UPP2: variants seen among roughly 807,000 people sequenced by gnomAD.
UPP2 encodes the protein uridine phosphorylase 2.
A neutral mutation model predicts 26.7 loss-of-function variants in UPP2; 23 were observed. The ratio of observed to expected loss-of-function variants is 0.86; its 90% CI spans 0.62 to 1.22. UPP2 has a LOEUF of 1.22. Ranked by LOEUF, UPP2 falls within the 50% of genes most tolerant of loss-of-function variation. The probability of loss-of-function intolerance (pLI) is 0.00; values close to 1 mark genes in which losing one functional copy is unlikely to be tolerated. For missense variants in UPP2, 387 were observed against 396.7 expected, an observed-to-expected ratio of 0.98 and a Z score of 0.21; for synonymous variants, 127 against 141.3, an observed-to-expected ratio of 0.90 and a Z score of 0.72.
At position 158,115,164 on chromosome 2, in the gene UPP2, C is replaced by G. The variant is rs370910787; in HGVS notation, c.244C>G (p.Leu82Val). The change falls in exon 3 of 7, where the codon CTC becomes GTC. Residue 82 changes from leucine to valine, a missense_variant. Physicochemically the swap from Leu to Val is conservative, Grantham distance 32. Coordinates refer to ENST00000005756, the MANE Select transcript of UPP2 (RefSeq NM_173355.4). The stretch of plus-strand genomic sequence containing the variant: ...ATTTGCACTGTTTATGCACAAGGAG[C>G]TCGGGTTTGAGGAAGCTGAAGAAGA... ...KAFALFMHKE[L>V]GFEEAEEDIK... 6.2e-7 allele frequency: 1 copy of G among 1,613,472 alleles called. No individual in the cohort carries two copies. Among genetic ancestry groups the G allele is most frequent in the Non-Finnish European group, 8.5e-7 (1 of 1,179,814 alleles).
chr2:158,121,654 A>G, intron 5 of UPP2, 36 bp downstream of exon 5: 1 of 1,557,530 alleles, frequency 6.4e-7, no homozygotes, highest in Non-Finnish European at 8.8e-7. Context: ...GGAAACAGAA[A>G]AATGCCAGCA....
intron 3 of UPP2, among the ~76,000 whole-genome samples, chr2:158,094,593 T>C (rs1296673433): frequency 6.6e-6 from 1 of 152,220 alleles, no homozygotes; most frequent in African/African-American, 2.4e-5. Flanking sequence ...TAACTCAATA[T>C]ATTGCACTTA....
At chr2:158,097,897 C>A (rs1291637404), upstream of UPP2, among the ~76,000 whole-genome samples, 1 of 151,838 alleles carries the variant, frequency 6.6e-6, no homozygotes, top group Non-Finnish European at 1.5e-5. Context: ...CTCTTTTTTT[C>A]TTTTCTGTAT....
intron 3 of UPP2, among the ~76,000 whole-genome samples, chr2:158,056,750 T>C (rs753617727): frequency 6.6e-6 from 1 of 152,220 alleles, no homozygotes; most frequent in Non-Finnish European, 1.5e-5. Context: ...ACCTACCCTA[T>C]CTAGACTGCA....
chr2:158,129,151 C>T (rs751418138), intron 6 of UPP2, among the ~76,000 whole-genome samples: 3 of 151,954 alleles, frequency 2.0e-5, no homozygotes, highest in Non-Finnish European at 4.4e-5. Context: ...GATCATTTAG[C>T]GCCATTGATT....
chr2:158,011,707 G>A (rs921312356), intron 2 of UPP2, among the ~76,000 whole-genome samples: 1 of 152,142 alleles, frequency 6.6e-6, no homozygotes, highest in Non-Finnish European at 1.5e-5. Context: ...GTTTAAAGAA[G>A]GAAGAGATGA....
At chr2:158,125,365 T>C (rs941779576) in intron 6 of UPP2, among the ~76,000 whole-genome samples, 15 of 152,060 alleles carry the variant, frequency 9.9e-5, no homozygotes, top group African/African-American at 3.1e-4. Context: ...AGAATATATG[T>C]ACGTGTAAAT....
At chr2:158,002,743 G>T (rs1673129330) in intron 2 of UPP2, among the ~76,000 whole-genome samples, 1 of 152,190 alleles carries the variant, frequency 6.6e-6, no homozygotes, top group Non-Finnish European at 1.5e-5. Context: ...TGTTGCTATT[G>T]TAAGGATGGA....
chr2:157,996,045 C>T (rs975587335), intron 2 of UPP2, among the ~76,000 whole-genome samples: 1 of 152,236 alleles, frequency 6.6e-6, no homozygotes, highest in East Asian at 1.9e-4. Context: ...TTTGCATAAA[C>T]CTGTTTTTAA....
chr2:158,129,523 A>C (rs1260491682), intron 6 of UPP2, among the ~76,000 whole-genome samples: 2 of 152,034 alleles, frequency 1.3e-5, no homozygotes, highest in Admixed American at 1.3e-4. Flanking sequence ...GAGGAAACAG[A>C]CTAAAACAGA....
chr2:158,086,081 G>T (rs1449157732), intron 3 of UPP2, among the ~76,000 whole-genome samples: 1 of 151,956 alleles, frequency 6.6e-6, no homozygotes, highest in Non-Finnish European at 1.5e-5. Context: ...GGATTGGCAC[G>T]AATTCTTCTT....
chr2:158,109,345 T>A (rs546790598), intron 2 of UPP2, among the ~76,000 whole-genome samples: 1 of 152,348 alleles, frequency 6.6e-6, no homozygotes, highest in South Asian at 2.1e-4. Context: ...TACTTGCTAC[T>A]GCAAAATCTC....
chr2:158,124,361 G>C (rs935936977), intron 6 of UPP2, among the ~76,000 whole-genome samples: 1 of 152,060 alleles, frequency 6.6e-6, no homozygotes, highest in Non-Finnish European at 1.5e-5. Context: ...GAGCATTCAA[G>C]GAGAATTGGA....
Position 158,096,699 on chromosome 2 carries a change from T to C in UPP2, c.148-5341T>C, listed in dbSNP as rs151294513. On this transcript the variant is annotated intron_variant, in intron 3 of 9. Coordinates refer to the UPP2 transcript ENST00000605860. ...CATATAACAGATCACTATATGGTAA[T>C]CTGATGAATTAGACCTATGCCTAAC... Among the ~76,000 whole-genome samples the C allele has an allele frequency of 2.2e-4, 34 of 152,306 alleles. No individual in the cohort carries two copies. The East Asian group carries it at 6.6e-3, about 29-fold the overall frequency.
chr2:158,115,047 C>T (rs1413474565), intron 2 of UPP2, 54 bp from the exon 3 acceptor site: 4 of 1,498,304 alleles, frequency 2.7e-6, no homozygotes, highest in Non-Finnish European at 3.6e-6. Flanking sequence ...TGAAACTGAC[C>T]CGTGGTTCTT....
Position 158,123,773 on chromosome 2 carries a change from T to C in UPP2, c.689T>C (p.Leu230Pro). ...YEGQGRLDGA[L>P]CSFSREKKLD... ...GGCCAAGGCCGACTAGATGGAGCAC[T>C]GTGCTCCTTTTCCAGAGAAAAAAAG... The change falls in exon 6 of 7, where the codon CTG becomes CCG. Residue 230 changes from leucine (L) to proline (P), a missense_variant. Coordinates refer to ENST00000005756, the MANE Select transcript of UPP2 (RefSeq NM_173355.4). The C allele has an allele frequency of 6.8e-6, 11 of 1,614,092 alleles. No individual in the cohort carries two copies. The highest frequency in any genetic ancestry group is 9.3e-6 in the Non-Finnish European group (11 of 1,179,926).
chr2:158,036,569 A>G (rs914551481), intron 3 of UPP2, among the ~76,000 whole-genome samples: 6 of 152,214 alleles, frequency 3.9e-5, no homozygotes, highest in Admixed American at 2.6e-4. Flanking sequence ...ACAGACTCTG[A>G]GCAGAAATTT....
At chr2:158,031,269 G>T (rs1223970854) in intron 3 of UPP2, among the ~76,000 whole-genome samples, 1 of 152,136 alleles carries the variant, frequency 6.6e-6, no homozygotes, top group African/African-American at 2.4e-5. Context: ...GGCCAGGAAG[G>T]AGAATTCACT....
At position 158,012,792 on chromosome 2, in the gene UPP2, T is replaced by C. The variant is rs554384023; in HGVS notation, c.62-3009T>C. On this transcript the variant is annotated intron_variant, in intron 2 of 9. Coordinates refer to the UPP2 transcript ENST00000605860. ...CACTACAAGGAGATGGTAACTATTT[T>C]GTTGGATCATGTTTTTATGTGTACA... is the stretch of plus-strand genomic sequence containing the variant. Among the ~76,000 whole-genome samples, 13 of 152,292 alleles carry C rather than the reference T, an allele frequency of 8.5e-5. No individual in the cohort carries two copies. In the South Asian group the frequency reaches 2.7e-3, roughly 32 times the overall value.
Sources: gnomAD v4.1 joint callset for allele counts (sites outside exome capture counted in the v4.1 genomes callset) on GRCh38, gnomAD v4.1.1 for gene constraint, MANE v1.5 for transcripts, NCBI Gene and HGNC (gene_info 2026-07-23, HGNC 2026-07-21) for gene names.